Variants in LUZP2 observed in about 807,000 individuals in gnomAD.
LUZP2 encodes the protein leucine zipper protein 2.
In LUZP2, 52 loss-of-function variants were observed where a neutral mutation model predicts 51.6. The ratio of observed to expected loss-of-function variants is 1.01; its 90% CI spans 0.81 to 1.27. The LOEUF (loss-of-function observed/expected upper bound fraction) is 1.27, where lower values mean the gene tolerates loss of function less well. LUZP2 is among the 50% of genes most tolerant of loss of function. The probability of loss-of-function intolerance (pLI) is 0.00; values close to 1 mark genes in which losing one functional copy is unlikely to be tolerated. For missense variants in LUZP2, 436 were observed against 395.4 expected (o/e 1.10, Z -0.87); for synonymous variants, 154 against 137.3 (o/e 1.12, Z -0.85).
At chr11:24,891,636 G>T in intron 5 of LUZP2, 2 of 715,398 alleles carry the variant, frequency 2.8e-6, no homozygotes, top group Non-Finnish European at 3.4e-6. Flanking sequence ...AGTCCTATGT[G>T]TCCTATCTAT....
chr11:24,780,275 T>C (rs552994678), intron 5 of LUZP2, among the ~76,000 whole-genome samples: 1 of 152,216 alleles, frequency 6.6e-6, no homozygotes, highest in African/African-American at 2.4e-5. Flanking sequence ...GACCATTGGA[T>C]AGAATTTATA....
At chr11:24,909,946 A>G (rs1287442489) in intron 6 of LUZP2, among the ~76,000 whole-genome samples, 1 of 152,128 alleles carries the variant, frequency 6.6e-6, no homozygotes, top group Non-Finnish European at 1.5e-5. Flanking sequence ...GGTAGTTTGG[A>G]ACTTCCTAGA....
At chr11:24,500,241 A>G (rs1849954508) in intron 1 of LUZP2, among the ~76,000 whole-genome samples, 1 of 152,172 alleles carries the variant, frequency 6.6e-6, no homozygotes, top group Non-Finnish European at 1.5e-5. Flanking sequence ...AGAGTTTTAA[A>G]AAACGAACAA....
intron 1 of LUZP2, among the ~76,000 whole-genome samples, chr11:24,551,678 A>G (rs1851728663): frequency 6.6e-6 from 1 of 152,044 alleles, no homozygotes; most frequent in South Asian, 2.1e-4. Flanking sequence ...AGTCATAGTA[A>G]TTCATAATTG....
chr11:24,514,308 G>T (rs982420965), intron 1 of LUZP2, among the ~76,000 whole-genome samples: 2 of 152,172 alleles, frequency 1.3e-5, no homozygotes, highest in Non-Finnish European at 2.9e-5. Flanking sequence ...ATCAGTCTTT[G>T]GTTCCTCATC....
chr11:24,509,965 C>T (rs1306965982), intron 1 of LUZP2, among the ~76,000 whole-genome samples: 1 of 152,188 alleles, frequency 6.6e-6, no homozygotes, highest in African/African-American at 2.4e-5. Flanking sequence ...GTGAGGGAGA[C>T]ATAATACCTG....
At chr11:25,018,082 A>G (rs61892139) in intron 9 of LUZP2, among the ~76,000 whole-genome samples, 142,372 of 147,456 alleles carry the variant, frequency 0.97, 68,899 homozygotes, top group East Asian at 1. Context: ...AAAAGGATTG[A>G]GTTCTTGACT....
At position 24,765,919 on chromosome 11, in the gene LUZP2, C is replaced by A. The variant is rs551952625; in HGVS notation, c.396+2611C>A. On this transcript the variant is annotated intron_variant, in intron 5 of 11. Coordinates refer to ENST00000336930, the MANE Select transcript of LUZP2 (RefSeq NM_001009909.4). ...GGGATTACAGGCGTGAGCTACCGCA[C>A]CCGGCCAATTTTTGCATTTTTTGTA... 9.9e-5 allele frequency among the ~76,000 whole-genome samples: 15 copies of A among 152,168 alleles called. No individual in the cohort carries two copies. In the East Asian group the frequency reaches 2.5e-3, roughly 26 times the overall value.
At chr11:24,983,355 C>A (rs1316241626) in intron 9 of LUZP2, 62 bp downstream of exon 9, 2 of 1,490,746 alleles carry the variant, frequency 1.3e-6, no homozygotes, top group East Asian at 4.5e-5. Flanking sequence ...CTTTAAAGCC[C>A]AGTATATATA....
At chr11:24,901,787 T>A (rs905846772) in intron 5 of LUZP2, among the ~76,000 whole-genome samples, 1 of 152,134 alleles carries the variant, frequency 6.6e-6, no homozygotes, top group Non-Finnish European at 1.5e-5. Context: ...TCCATTGACC[T>A]CCATAATTCT....
chr11:24,497,779 A>C (rs1253855684), intron 1 of LUZP2, among the ~76,000 whole-genome samples: 3 of 152,194 alleles, frequency 2.0e-5, no homozygotes, highest in African/African-American at 7.2e-5. Context: ...GAAGATGCTA[A>C]GACTTGTACA....
chr11:24,898,246 T>C (rs986462478), intron 5 of LUZP2, among the ~76,000 whole-genome samples: 2 of 149,712 alleles, frequency 1.3e-5, no homozygotes, highest in African/African-American at 4.9e-5. Flanking sequence ...GTGACAATTA[T>C]AAAAAAAAAA....
intron 1 of LUZP2, among the ~76,000 whole-genome samples, chr11:24,724,171 G>C (rs964835701): frequency 1.3e-5 from 2 of 152,094 alleles, no homozygotes; most frequent in Non-Finnish European, 2.9e-5. Context: ...CATGAATGCT[G>C]TATCTTAATA....
At chr11:24,711,127 A>G (rs1027556608) in intron 1 of LUZP2, among the ~76,000 whole-genome samples, 1 of 152,198 alleles carries the variant, frequency 6.6e-6, no homozygotes, top group African/African-American at 2.4e-5. Context: ...TTCCAATTCC[A>G]TGTTTAATAC....
intron 5 of LUZP2, among the ~76,000 whole-genome samples, chr11:24,900,855 T>C (rs1853257596): frequency 1.3e-5 from 2 of 152,226 alleles, no homozygotes; most frequent in Admixed American, 6.5e-5. Flanking sequence ...CTGCCTGATT[T>C]GCAAATCATT....
intron 1 of LUZP2, among the ~76,000 whole-genome samples, chr11:24,567,582 A>C (rs931086363): frequency 6.6e-6 from 1 of 152,078 alleles, no homozygotes; most frequent in Non-Finnish European, 1.5e-5. Context: ...CAGAGAGAGA[A>C]AAATGACTCA....
chr11:24,672,517 C>T (rs1215478456), intron 1 of LUZP2, among the ~76,000 whole-genome samples: 1 of 151,978 alleles, frequency 6.6e-6, no homozygotes, highest in Non-Finnish European at 1.5e-5. Flanking sequence ...GATAAGTCTC[C>T]TTAAGATGAA....
intron 1 of LUZP2, among the ~76,000 whole-genome samples, chr11:24,607,469 A>G (rs1416499925): frequency 6.7e-6 from 1 of 149,128 alleles, no homozygotes; most frequent in African/African-American, 2.5e-5. Flanking sequence ...ACATATATGC[A>G]TGGCTTTACT....
intron 1 of LUZP2, among the ~76,000 whole-genome samples, chr11:24,527,004 CTG>C (rs1056336902): frequency 6.6e-6 from 1 of 151,320 alleles, no homozygotes; most frequent in Admixed American, 6.6e-5. Context: ...TTGTTAAACT[CTG>C]TGAGGAATCC....
Sources: gnomAD v4.1 joint callset for allele counts (sites outside exome capture counted in the v4.1 genomes callset) on GRCh38, gnomAD v4.1.1 for gene constraint, MANE v1.5 for transcripts, NCBI Gene and HGNC (gene_info 2026-07-23, HGNC 2026-07-21) for gene names.